VAT1L: variants seen among roughly 807,000 people sequenced by gnomAD.
VAT1L encodes vesicle amine transport 1 like.
In VAT1L, 34 loss-of-function variants were observed where a neutral mutation model predicts 44.1. The ratio of observed to expected loss-of-function variants is 0.77; its 90% CI spans 0.59 to 1.03. VAT1L has a LOEUF of 1.03. VAT1L is among the 50% of genes least tolerant of loss of function. The pLI is 0.00. For synonymous variants in VAT1L, 253 were observed against 202.2 expected, an observed-to-expected ratio of 1.25 and a Z score of -2.13; for missense variants, 615 against 538.8, an observed-to-expected ratio of 1.14 and a Z score of -1.40.
In VAT1L at chr16:77,829,708, G is replaced by T. The variant is rs549912518; in HGVS notation, c.579+4247G>T. On this transcript the variant is annotated intron_variant, in intron 3 of 8. Transcript: ENST00000302536. The stretch of plus-strand genomic sequence containing the variant: ...AGACTCATGTTGGGCCTCGAGTTTT[G>T]TTGCCAGTCCCGTTTAATGAGCCTT... Among the ~76,000 whole-genome samples the T allele has an allele frequency of 5.9e-5, 9 of 152,282 alleles. No homozygotes were observed. In the South Asian group the frequency reaches 1.9e-3, roughly 32 times the overall value.
chr16:77,915,901 C>A (rs1668476219), intron 7 of VAT1L, among the ~76,000 whole-genome samples: 2 of 152,184 alleles, frequency 1.3e-5, no homozygotes, highest in Non-Finnish European at 1.5e-5. Flanking sequence ...AGTGCATTGT[C>A]AAGCCAGCTA....
chr16:77,915,120 C>T (rs1420073714), intron 7 of VAT1L, among the ~76,000 whole-genome samples: 4 of 150,952 alleles, frequency 2.6e-5, no homozygotes, highest in Admixed American at 2.6e-4. Flanking sequence ...AGCAAAATTC[C>T]GTCTCAAAAA....
chr16:77,953,199 A>C (rs532343083), intron 7 of VAT1L, among the ~76,000 whole-genome samples: 1 of 152,268 alleles, frequency 6.6e-6, no homozygotes, highest in East Asian at 1.9e-4. Flanking sequence ...CTTTCTCAGA[A>C]CCTCCAGTAG....
At chr16:77,849,845 G>T (rs542991106) in intron 3 of VAT1L, among the ~76,000 whole-genome samples, 7 of 152,212 alleles carry the variant, frequency 4.6e-5, no homozygotes, top group Admixed American at 2.0e-4. Flanking sequence ...AACCTCAGCC[G>T]CAGGATCTGA....
intron 4 of VAT1L, among the ~76,000 whole-genome samples, chr16:77,872,466 CGCAATTACCCA>C (rs888568057): frequency 2.0e-5 from 3 of 152,096 alleles, no homozygotes; most frequent in Non-Finnish European, 4.4e-5. Flanking sequence ...GAGACAGGAA[CGCAATTACCCA>C]GCCCATAATG....
intron 4 of VAT1L, among the ~76,000 whole-genome samples, chr16:77,869,739 G>T (rs2142448276): frequency 6.6e-6 from 1 of 152,276 alleles, no homozygotes; most frequent in East Asian, 1.9e-4. Context: ...TGGAAGTTAG[G>T]AAACTGCGAT....
At chr16:77,900,467 G>C (rs1022810461) in intron 7 of VAT1L, among the ~76,000 whole-genome samples, 2 of 152,048 alleles carry the variant, frequency 1.3e-5, no homozygotes, top group Non-Finnish European at 2.9e-5. Flanking sequence ...GACAAGGCGG[G>C]GGGGATCAGG....
chr16:77,910,498 C>T (rs1597094570), intron 7 of VAT1L, among the ~76,000 whole-genome samples: 1 of 151,860 alleles, frequency 6.6e-6, no homozygotes, highest in Non-Finnish European at 1.5e-5. Flanking sequence ...CGGTGAAACC[C>T]CGTCTCTACT....
intron 1 of VAT1L, among the ~76,000 whole-genome samples, chr16:77,795,608 G>A (rs1262130783): frequency 1.3e-5 from 2 of 152,088 alleles, no homozygotes; most frequent in Admixed American, 6.6e-5. Flanking sequence ...AGGAATGAAG[G>A]TGGATGGGTC....
At chr16:77,940,364 G>C (rs1444939747) in intron 7 of VAT1L, among the ~76,000 whole-genome samples, 2 of 106,050 alleles carry the variant, frequency 1.9e-5, no homozygotes, top group African/African-American at 6.9e-5. Context: ...TTTTTTTGGA[G>C]ACAGACTCTC....
At chr16:77,923,627 C>T (rs372420847) in intron 7 of VAT1L, among the ~76,000 whole-genome samples, 24 of 152,268 alleles carry the variant, frequency 1.6e-4, no homozygotes, top group East Asian at 1.4e-3. Flanking sequence ...AGCCTCCTGC[C>T]TAGTCACACA....
chr16:77,858,657 G>A (rs1343965741), intron 3 of VAT1L, among the ~76,000 whole-genome samples: 1 of 152,160 alleles, frequency 6.6e-6, no homozygotes. Flanking sequence ...TGTTACTCTA[G>A]TGGTGTTGGA....
intron 1 of VAT1L, among the ~76,000 whole-genome samples, chr16:77,816,241 C>T (rs944389355): frequency 6.6e-6 from 1 of 152,134 alleles, no homozygotes. Flanking sequence ...TAATATCTCT[C>T]ATCTGGAAAT....
At chr16:77,974,485 G>C (rs1473835260) in intron 8 of VAT1L, among the ~76,000 whole-genome samples, 2 of 152,194 alleles carry the variant, frequency 1.3e-5, no homozygotes, top group African/African-American at 4.8e-5. Flanking sequence ...AGCAGATGCT[G>C]AAAAATCCAC....
rs1233801370 is a variant in VAT1L, at chr16:77,945,278, C to T, written c.1078-26572C>T. On this transcript the variant is annotated intron_variant, in intron 7 of 8. Coordinates refer to ENST00000302536, the MANE Select transcript of VAT1L (RefSeq NM_020927.3). ...GAATGGCCAATTCCAGATTGCAGAA[C>T]TTTTTTTTTTTTTTTTGAGAGAGAG... Among the ~76,000 whole-genome samples, 128 of 83,034 alleles carry T rather than the reference C, an allele frequency of 1.5e-3. 1 individual carries two copies. The highest frequency in any genetic ancestry group is 2.6e-3 in the South Asian group (5 of 1,906). 54.5% of individuals were successfully genotyped at this position (83,034 alleles called of 152,430 possible).
intron 1 of VAT1L, among the ~76,000 whole-genome samples, chr16:77,789,494 A>G (rs1392459286): frequency 1.3e-5 from 2 of 152,174 alleles, no homozygotes; most frequent in African/African-American, 4.8e-5. Flanking sequence ...TTTCACCTCT[A>G]TGCTGTTGTC....
intron 7 of VAT1L, among the ~76,000 whole-genome samples, chr16:77,921,879 G>A (rs2017615658): frequency 6.6e-6 from 1 of 151,948 alleles, no homozygotes; most frequent in African/African-American, 2.4e-5. Flanking sequence ...GAGTAGCTGG[G>A]ACTACAGGTG....
chr16:77,939,466 G>A (rs2017850311), intron 7 of VAT1L, among the ~76,000 whole-genome samples: 3 of 152,162 alleles, frequency 2.0e-5, no homozygotes, highest in African/African-American at 7.2e-5. Flanking sequence ...ACAAATCAGG[G>A]CTCCCTTTAG....
intron 3 of VAT1L, among the ~76,000 whole-genome samples, chr16:77,826,734 G>C (rs546250240): frequency 1.3e-5 from 2 of 152,264 alleles, no homozygotes; most frequent in South Asian, 4.2e-4. Context: ...GAGAGTGGAA[G>C]GTACTACCTA....
Sources: gnomAD v4.1 joint callset for allele counts (sites outside exome capture counted in the v4.1 genomes callset) on GRCh38, gnomAD v4.1.1 for gene constraint, MANE v1.5 for transcripts, NCBI Gene and HGNC (gene_info 2026-07-23, HGNC 2026-07-21) for gene names.